Variants in LARP1B observed in about 807,000 individuals in gnomAD.
LARP1B encodes the protein la-related protein 1B.
LARP1B carries 76 observed loss-of-function variants against 114.2 expected under a neutral mutation model. That is an observed-to-expected ratio of 0.67 (90% CI 0.55 to 0.81). The LOEUF (loss-of-function observed/expected upper bound fraction) is 0.81, where lower values mean the gene tolerates loss of function less well. Ranked by LOEUF, LARP1B falls within the 30% of genes least tolerant of loss-of-function variation. The pLI, the probability that LARP1B is intolerant of heterozygous loss-of-function variation, is 0.00. For synonymous variants in LARP1B, 345 were observed against 348.0 expected (o/e 0.99, Z 0.10); for missense variants, 1,014 against 1,075.8 (o/e 0.94, Z 0.80).
intron 10 of LARP1B, among the ~76,000 whole-genome samples, chr4:128,120,330 T>G (rs1787462359): frequency 6.6e-6 from 1 of 152,098 alleles, no homozygotes; most frequent in Non-Finnish European, 1.5e-5. Context: ...GGACGAAAAA[T>G]GAATGTAACA....
intron 8 of LARP1B, among the ~76,000 whole-genome samples, chr4:128,099,998 AG>A (rs199935967): frequency 0.027 from 4,043 of 152,176 alleles, 166 homozygotes; most frequent in African/African-American, 0.093. Context: ...CTTGTTGCCC[AG>A]GCTGGAGTGG....
At chr4:128,078,145 T>A (rs1299533930) in intron 4 of LARP1B, among the ~76,000 whole-genome samples, 183 bp downstream of exon 4, 1 of 152,196 alleles carries the variant, frequency 6.6e-6, no homozygotes, top group African/African-American at 2.4e-5. Context: ...ACTTTCCTTT[T>A]TGTATGTAAC....
intron 12 of LARP1B, among the ~76,000 whole-genome samples, chr4:128,163,361 CTG>C (rs1478463408): frequency 2.0e-5 from 3 of 152,066 alleles, no homozygotes; most frequent in Non-Finnish European, 4.4e-5. Context: ...ACTCAAATCT[CTG>C]TAAGAATATG....
intron 9 of LARP1B, among the ~76,000 whole-genome samples, chr4:128,113,280 A>G (rs921732486): frequency 1.3e-5 from 2 of 151,874 alleles, no homozygotes; most frequent in Non-Finnish European, 2.9e-5. Flanking sequence ...ATATTTAAAT[A>G]TTCTTTGACT....
chr4:128,065,320 TCTCTCTCTC>T (rs1762260036), intron 1 of LARP1B, among the ~76,000 whole-genome samples: 1 of 82,238 alleles, frequency 1.2e-5, no homozygotes, highest in African/African-American at 4.0e-5. Context: ...TTTCTTTCTC[TCTCTCTCTC>T]TCTTTCCTTT....
chr4:128,073,617 G>A (rs112681359), intron 1 of LARP1B, among the ~76,000 whole-genome samples: 37,929 of 61,252 alleles, frequency 0.62, 11,505 homozygotes, highest in Middle Eastern at 0.77. Context: ...TTTGGACAGA[G>A]TCTAGCTCTG....
intron 11 of LARP1B, among the ~76,000 whole-genome samples, chr4:128,129,417 G>C (rs1288953359): frequency 5.3e-5 from 8 of 150,988 alleles, no homozygotes; most frequent in Non-Finnish European, 7.4e-5. Context: ...TAGATAGGAA[G>C]ACTCAATAAT....
At chr4:128,145,660 C>T (rs143228351) in intron 11 of LARP1B, among the ~76,000 whole-genome samples, 7 of 152,148 alleles carry the variant, frequency 4.6e-5, no homozygotes, top group African/African-American at 1.7e-4. Flanking sequence ...CTCAGCAGGA[C>T]AGTTATACTT....
chr4:128,080,105 C>T (rs1191438859), intron 4 of LARP1B, among the ~76,000 whole-genome samples: 1 of 151,884 alleles, frequency 6.6e-6, no homozygotes, highest in Non-Finnish European at 1.5e-5. Context: ...CTGCCTCAGC[C>T]TCCCAAGCAG....
intron 11 of LARP1B, among the ~76,000 whole-genome samples, chr4:128,131,396 C>T (rs1224363910): frequency 6.6e-6 from 1 of 152,072 alleles, no homozygotes; most frequent in African/African-American, 2.4e-5. Flanking sequence ...AAAAATTTTT[C>T]TTTAAAAAAA....
At chr4:128,097,811 A>G (rs1778622534) in intron 7 of LARP1B, among the ~76,000 whole-genome samples, 1 of 152,190 alleles carries the variant, frequency 6.6e-6, no homozygotes, top group South Asian at 2.1e-4. Context: ...TAGCTTTGTT[A>G]TCTAATGCTT....
chr4:128,112,294 G>A (rs1333672713), intron 9 of LARP1B, among the ~76,000 whole-genome samples: 1 of 151,614 alleles, frequency 6.6e-6, no homozygotes, highest in Non-Finnish European at 1.5e-5. Context: ...TAACTTAATA[G>A]ATCCAAATGT....
chr4:128,128,466 T>A (rs1163907701), intron 11 of LARP1B, among the ~76,000 whole-genome samples: 3 of 152,196 alleles, frequency 2.0e-5, no homozygotes, highest in South Asian at 4.1e-4. Flanking sequence ...CTAGCCTACC[T>A]TAAACATGCT....
At chr4:128,150,009 G>A (rs1005748745) in intron 11 of LARP1B, among the ~76,000 whole-genome samples, 4 of 152,154 alleles carry the variant, frequency 2.6e-5, no homozygotes, top group African/African-American at 9.7e-5. Context: ...AAATTAGCCA[G>A]GCATGGTGGT....
intron 1 of LARP1B, among the ~76,000 whole-genome samples, chr4:128,065,335 CCTTT>C (rs1243555479): frequency 2.5e-5 from 3 of 117,988 alleles, no homozygotes; most frequent in East Asian, 2.2e-4. Flanking sequence ...CTCTCTCTTT[CCTTT>C]CTTTTCTTTT....
intron 11 of LARP1B, chr4:128,123,838 C>T (rs60995278): frequency 3.5e-6 from 1 of 286,842 alleles, no homozygotes; most frequent in Non-Finnish European, 5.2e-6. Context: ...AAATTATAGA[C>T]AATAATTAAA....
At chr4:128,106,999 G>A (rs1261225758) in intron 8 of LARP1B, 140 bp from the exon 9 acceptor site, 2 of 647,180 alleles carry the variant, frequency 3.1e-6, no homozygotes, top group Non-Finnish European at 5.4e-6. Flanking sequence ...TGTGTTCTAT[G>A]TGGTTAACTT....
intron 6 of LARP1B, among the ~76,000 whole-genome samples, chr4:128,219,796 A>AAAAT (rs368581014): frequency 0.15 from 22,293 of 147,900 alleles, 1,864 homozygotes; most frequent in African/African-American, 0.22. Flanking sequence ...AAAGTATAAT[A>AAAAT]AAATAAATAA....
intron 15 of LARP1B, among the ~76,000 whole-genome samples, chr4:128,185,362 A>G (rs562921142): frequency 2.6e-5 from 4 of 152,286 alleles, no homozygotes; most frequent in Admixed American, 1.3e-4. Context: ...TCTTGATAAA[A>G]GCCATTTTAA....
Sources: gnomAD v4.1 joint callset for allele counts (sites outside exome capture counted in the v4.1 genomes callset) on GRCh38, gnomAD v4.1.1 for gene constraint, MANE v1.5 for transcripts, NCBI Gene and HGNC (gene_info 2026-07-23, HGNC 2026-07-21) for gene names.